CTNNA2: variants seen among roughly 807,000 people sequenced by gnomAD.
The protein encoded by CTNNA2 is catenin alpha 2, also known as catenin alpha-2.
A neutral mutation model predicts 101.0 loss-of-function variants in CTNNA2; 42 were observed. That is an observed-to-expected ratio of 0.42 (90% confidence interval 0.32 to 0.54). CTNNA2 has a LOEUF of 0.54. CTNNA2 is among the 20% of genes least tolerant of loss of function. The probability of loss-of-function intolerance (pLI) is 0.14; values close to 1 mark genes in which losing one functional copy is unlikely to be tolerated. For missense variants in CTNNA2, 871 were observed against 1,223.1 expected (o/e 0.71, Z 4.29); for synonymous variants, 450 against 456.4 (o/e 0.99, Z 0.18).
chr2:80,621,992 G>C (rs185368410), intron 18 of CTNNA2, among the ~76,000 whole-genome samples: 1 of 152,054 alleles, frequency 6.6e-6, no homozygotes, highest in Admixed American at 6.6e-5. Flanking sequence ...AAAAAGGACA[G>C]GGAAGCGTTC....
In CTNNA2 at chr2:79,449,025, G is replaced by A. The variant is rs943797333; in HGVS notation, c.-134-56029G>A. On this transcript the variant is annotated intron_variant, in intron 4 of 21. Coordinates refer to the CTNNA2 transcript ENST00000466387. Reference sequence around the variant, plus strand: ...ATTGAAGCAGACATATTTTGAAACCGCATGATGCAGTCTACTGAAGTTGGC... The same window carrying A: ...ATTGAAGCAGACATATTTTGAAACCACATGATGCAGTCTACTGAAGTTGGC... Among the ~76,000 whole-genome samples the A allele has an allele frequency of 3.3e-5, 5 of 151,966 alleles. No homozygotes were observed. In the East Asian group the frequency reaches 7.7e-4, roughly 24 times the overall value.
At chr2:79,456,965 G>C (rs1286605179) in intron 4 of CTNNA2, among the ~76,000 whole-genome samples, 2 of 152,122 alleles carry the variant, frequency 1.3e-5, no homozygotes, top group Non-Finnish European at 2.9e-5. Flanking sequence ...ACTTTGGAAG[G>C]CCGAGGCGGG....
At chr2:80,517,267 G>T (rs1413304462) in intron 9 of CTNNA2, among the ~76,000 whole-genome samples, 1 of 152,184 alleles carries the variant, frequency 6.6e-6, no homozygotes, top group Non-Finnish European at 1.5e-5. Flanking sequence ...GTCAGCCCTG[G>T]AGGCTCATTT....
At position 79,312,094 on chromosome 2, in the gene CTNNA2, C is replaced by G. The variant is rs530956695; in HGVS notation, c.-405-615C>G. On this transcript the variant is annotated intron_variant, in intron 2 of 21. Coordinates refer to the CTNNA2 transcript ENST00000466387. The stretch of plus-strand genomic sequence containing the variant: ...TTTAAAAAAAAAAAAATTGTAGAGA[C>G]AGGGTCTTGTCACCATGTTGCCCAG... Among the ~76,000 whole-genome samples, 3 of 151,924 alleles carry G rather than the reference C, an allele frequency of 2.0e-5. No homozygotes were observed. In the South Asian group the frequency reaches 6.3e-4, roughly 32 times the overall value.
intron 3 of CTNNA2, among the ~76,000 whole-genome samples, chr2:79,338,999 C>G (rs6709654): frequency 0.89 from 135,245 of 151,998 alleles, 60,282 homozygotes; most frequent in East Asian, 1. Flanking sequence ...AGATTCCCAA[C>G]AGCAGATATT....
intron 7 of CTNNA2, among the ~76,000 whole-genome samples, chr2:80,266,180 G>C (rs905687136): frequency 6.6e-6 from 1 of 152,224 alleles, no homozygotes; most frequent in South Asian, 2.1e-4. Context: ...AGTAGAGTCT[G>C]TCCTGGGAGT....
At chr2:79,284,244 C>G (rs1675489104) in intron 2 of CTNNA2, among the ~76,000 whole-genome samples, 1 of 34,204 alleles carries the variant, frequency 2.9e-5, no homozygotes, top group African/African-American at 1.3e-4. Flanking sequence ...AATTGAATAC[C>G]CTTTATTTCC....
chr2:80,641,373 G>C (rs1673466072), intron 18 of CTNNA2, among the ~76,000 whole-genome samples: 1 of 152,054 alleles, frequency 6.6e-6, no homozygotes, highest in Non-Finnish European at 1.5e-5. Context: ...TAGATGATCA[G>C]CTTTTTTGAA....
chr2:80,223,800 T>G (rs1454241017), intron 7 of CTNNA2, among the ~76,000 whole-genome samples: 1 of 152,208 alleles, frequency 6.6e-6, no homozygotes, highest in African/African-American at 2.4e-5. Context: ...GAATCAATGC[T>G]CATGCCTGTG....
chr2:80,151,234 C>T lies in CTNNA2; in HGVS notation c.1056+241437C>T, dbSNP rs12994024. On this transcript the variant is annotated intron_variant, in intron 7 of 18. Transcript: ENST00000402739. ...AAGCCAACACACTGCCTTTCCTTCCCTGTGACAGTGATATTCAGATTTTTC... is the reference window on the plus strand; with the variant it reads ...AAGCCAACACACTGCCTTTCCTTCCTTGTGACAGTGATATTCAGATTTTTC... Among the ~76,000 whole-genome samples, 522 of 152,290 alleles carry T rather than the reference C, an allele frequency of 3.4e-3. 3 individuals carry two copies. The highest frequency in any genetic ancestry group is 0.01 in the Middle Eastern group (3 of 294).
At position 79,314,514 on chromosome 2, in the gene CTNNA2, A is replaced by T. The variant is rs1032173758; in HGVS notation, c.-318+1718A>T. ...AGGGTGGGGTGCAGTGCACCGTTATATTGAGGATCCAGTAGTAATAAGGCT... is the reference window on the plus strand; with the variant it reads ...AGGGTGGGGTGCAGTGCACCGTTATTTTGAGGATCCAGTAGTAATAAGGCT... On this transcript the variant is annotated intron_variant, in intron 3 of 21. Transcript: ENST00000466387. Among the ~76,000 whole-genome samples the T allele has an allele frequency of 3.9e-5, 6 of 152,358 alleles. No homozygotes were observed. In the East Asian group the frequency reaches 1.2e-3, roughly 29 times the overall value.
intron 3 of CTNNA2, among the ~76,000 whole-genome samples, chr2:79,838,982 C>T (rs550430438): frequency 3.0e-4 from 45 of 151,994 alleles, no homozygotes; most frequent in Non-Finnish European, 5.4e-4. Flanking sequence ...TATTACTGGG[C>T]GCTTACTATG....
chr2:79,495,234 T>C (rs1671244185), intron 4 of CTNNA2, among the ~76,000 whole-genome samples: 1 of 152,228 alleles, frequency 6.6e-6, no homozygotes, highest in Admixed American at 6.5e-5. Context: ...TGATACAGAA[T>C]TATATACAGA....
At chr2:79,982,330 CAT>C (rs1222975096) in intron 7 of CTNNA2, among the ~76,000 whole-genome samples, 2 of 129,558 alleles carry the variant, frequency 1.5e-5, no homozygotes, top group Admixed American at 8.0e-5. Context: ...ATATAACACA[CAT>C]ATAAAACATA....
chr2:79,628,134 T>C (rs972293628), intron 1 of CTNNA2, among the ~76,000 whole-genome samples: 16 of 152,130 alleles, frequency 1.1e-4, no homozygotes, highest in Non-Finnish European at 2.1e-4. Context: ...CAGAAACGTG[T>C]TTTTTAAACA....
intron 3 of CTNNA2, among the ~76,000 whole-genome samples, chr2:79,838,512 T>G (rs1461744626): frequency 6.6e-6 from 1 of 152,168 alleles, no homozygotes; most frequent in African/African-American, 2.4e-5. Flanking sequence ...TAGAGTTATT[T>G]CAGACTAATT....
At chr2:79,981,492 C>G (rs541127046) in intron 7 of CTNNA2, among the ~76,000 whole-genome samples, 2 of 152,060 alleles carry the variant, frequency 1.3e-5, no homozygotes, top group South Asian at 4.2e-4. Flanking sequence ...GTTCACTTAC[C>G]ATGAAAATAG....
chr2:79,606,371 C>G (rs1381953500), intron 1 of CTNNA2, among the ~76,000 whole-genome samples: 1 of 152,090 alleles, frequency 6.6e-6, no homozygotes, highest in African/African-American at 2.4e-5. Context: ...GAGTTCATGC[C>G]ATTCTCCTGC....
chr2:79,786,727 C>T (rs1382701451), intron 3 of CTNNA2, among the ~76,000 whole-genome samples: 1 of 152,094 alleles, frequency 6.6e-6, no homozygotes, highest in Non-Finnish European at 1.5e-5. Context: ...ATATGTCATT[C>T]AGCAACAATT....
Sources: gnomAD v4.1 joint callset for allele counts (sites outside exome capture counted in the v4.1 genomes callset) on GRCh38, gnomAD v4.1.1 for gene constraint, MANE v1.5 for transcripts, NCBI Gene and HGNC (gene_info 2026-07-23, HGNC 2026-07-21) for gene names.